Variants in MYO5B observed in about 807,000 individuals in gnomAD.
The protein encoded by MYO5B is myosin VB, also known as unconventional myosin-Vb.
MYO5B carries 143 observed loss-of-function variants against 229.3 expected under a neutral mutation model. The ratio of observed to expected loss-of-function variants is 0.62; its 90% CI spans 0.54 to 0.72. The LOEUF is 0.72. Among genes scored for constraint, MYO5B ranks in the 30% least tolerant of loss-of-function variants. MYO5B has a pLI of 0.00. For synonymous variants in MYO5B, 918 were observed against 885.2 expected (o/e 1.04, Z -0.66); for missense variants, 2,321 against 2,331.0 (o/e 1.00, Z 0.09).
intron 4 of MYO5B, among the ~76,000 whole-genome samples, chr18:50,033,253 C>G (rs1030079198): frequency 6.6e-6 from 1 of 152,052 alleles, no homozygotes; most frequent in Admixed American, 6.5e-5. Flanking sequence ...TTTGACGCCC[C>G]ACTTCTGAGG....
At chr18:50,180,725 T>C (rs1331056830) in intron 1 of MYO5B, among the ~76,000 whole-genome samples, 1 of 152,254 alleles carries the variant, frequency 6.6e-6, no homozygotes, top group African/African-American at 2.4e-5. Context: ...TCTGTCTCTA[T>C]GAATTTGACC....
chr18:50,128,098 C>T (rs1347272773), intron 1 of MYO5B, among the ~76,000 whole-genome samples: 1 of 152,138 alleles, frequency 6.6e-6, no homozygotes, highest in Non-Finnish European at 1.5e-5. Flanking sequence ...GATCTTAGGA[C>T]CTGTTGGCCT....
intron 10 of MYO5B, among the ~76,000 whole-genome samples, chr18:49,969,234 C>T (rs1427088021): frequency 2.0e-5 from 3 of 152,118 alleles, no homozygotes; most frequent in Admixed American, 6.5e-5. Context: ...TGAAACCTTT[C>T]GATACTGGCT....
chr18:49,975,491 T>C (rs569174730), intron 9 of MYO5B, among the ~76,000 whole-genome samples: 65 of 152,202 alleles, frequency 4.3e-4, no homozygotes, highest in Non-Finnish European at 1.2e-4. Flanking sequence ...GCAGGCTCGC[T>C]TTCTTCTTAG....
At position 49,853,461 on chromosome 18, in the gene MYO5B, G is replaced by C; in HGVS notation, c.4209C>G (p.Thr1403=). 1 of 1,614,112 alleles carries C rather than the reference G, an allele frequency of 6.2e-7. No homozygotes were observed. Among genetic ancestry groups the C allele is most frequent in the Admixed American group, 1.7e-5 (1 of 60,030 alleles). ...CATGGCTACCCACCAGATTCTCGTT[G>C]GTCAGCCGGGATATTTCCTGCTGAA... ...FGVQQEISRL[T]NENLDLKELV... is the part of the protein sequence containing the mutation. The change falls in exon 31 of 40, where the codon ACC becomes ACG. Residue 1403 remains threonine, a synonymous_variant. Transcript: ENST00000285039.
intron 33 of MYO5B, among the ~76,000 whole-genome samples, chr18:49,843,819 A>G (rs577286858): frequency 6.6e-6 from 1 of 152,378 alleles, no homozygotes; most frequent in South Asian, 2.1e-4. Flanking sequence ...CACCACTTCC[A>G]GAAGGCAAGG....
At chr18:49,952,059 C>A (rs1304813153) in intron 14 of MYO5B, among the ~76,000 whole-genome samples, 1 of 152,206 alleles carries the variant, frequency 6.6e-6, no homozygotes, top group East Asian at 1.9e-4. Context: ...ATCCAGAGAT[C>A]ACACTGGGCA....
intron 39 of MYO5B, among the ~76,000 whole-genome samples, chr18:49,828,910 T>C (rs1414160961): frequency 6.8e-6 from 1 of 146,716 alleles, no homozygotes; most frequent in Admixed American, 7.3e-5. Context: ...AATGTCTACA[T>C]TAAAAAAAAA....
At chr18:49,872,531 C>T (rs201543056) in intron 26 of MYO5B, among the ~76,000 whole-genome samples, 5 of 150,646 alleles carry the variant, frequency 3.3e-5, no homozygotes, top group Non-Finnish European at 4.4e-5. Flanking sequence ...TTTGCCCCCC[C>T]AAATGATATT....
At position 49,839,147 on chromosome 18, in the gene MYO5B, T is replaced by C; in HGVS notation, c.4849A>G (p.Ile1617Val). 1 of 1,613,324 alleles carries C rather than the reference T, an allele frequency of 6.2e-7. No individual in the cohort carries two copies. The highest frequency in any genetic ancestry group is 1.1e-5 in the South Asian group (1 of 91,040). ...KIAEGVLQPM[I>V]VSAMLENESI... ...AGCTCTCCTGCTGCCAGCTTACCTA[T>C]CATCGGCTGTAACACGCCCTCGGCA... The change falls in exon 36 of 40, where the codon ATA becomes GTA. Residue 1617 changes from isoleucine to valine, a missense_variant. By Grantham distance (29) the Ile-to-Val change is conservative. Coordinates refer to ENST00000285039, the MANE Select transcript of MYO5B (RefSeq NM_001080467.3).
At chr18:49,897,992 A>G (rs1568022649) in intron 21 of MYO5B, among the ~76,000 whole-genome samples, 1 of 152,138 alleles carries the variant, frequency 6.6e-6, no homozygotes, top group Non-Finnish European at 1.5e-5. Flanking sequence ...CTCTATGTTT[A>G]GATACGTTTA....
At chr18:50,019,347 C>T (rs369298909) in intron 4 of MYO5B, among the ~76,000 whole-genome samples, 1 of 152,174 alleles carries the variant, frequency 6.6e-6, no homozygotes, top group Non-Finnish European at 1.5e-5. Flanking sequence ...GCCCCTGCTA[C>T]CCTCCCCACT....
At chr18:50,182,273 G>A (rs2033083636) in intron 1 of MYO5B, among the ~76,000 whole-genome samples, 1 of 152,212 alleles carries the variant, frequency 6.6e-6, no homozygotes, top group African/African-American at 2.4e-5. Context: ...GAAAGCCACT[G>A]GCTTTGCTAC....
At chr18:49,982,277 A>G (rs940958330) in intron 8 of MYO5B, among the ~76,000 whole-genome samples, 6 of 152,076 alleles carry the variant, frequency 3.9e-5, no homozygotes, top group Admixed American at 3.3e-4. Flanking sequence ...CGTGTTGCCC[A>G]GAACTCCTGG....
At position 49,843,381 on chromosome 18, in the gene MYO5B, G is replaced by C. The variant is rs1220627137; in HGVS notation, c.4471C>G (p.Gln1491Glu). 5 of 1,614,074 alleles carry C rather than the reference G, an allele frequency of 3.1e-6. No individual in the cohort carries two copies. The highest frequency in any genetic ancestry group is 1.3e-5 in the African/African-American group (1 of 74,940). The change falls in exon 34 of 40, where the codon CAG becomes GAG. Residue 1491 changes from glutamine to glutamate, a missense_variant. Transcript: ENST00000285039. The part of the protein sequence containing the change: ...IRNLVTDLKP[Q>E]MLSGTVPCLP... ...CAGGGCACTGTGCCCGACAGCATCT[G>C]GGGCTTCAAGTCTAAGGGCAACGAG...
At chr18:50,171,420 C>A (rs1372119780) in intron 1 of MYO5B, among the ~76,000 whole-genome samples, 1 of 126,504 alleles carries the variant, frequency 7.9e-6, no homozygotes, top group African/African-American at 3.0e-5. Context: ...ACCTTGGTCT[C>A]GAGAGAGACC....
chr18:49,864,162 C>CCGCTGGTCGG lies in MYO5B; in HGVS notation c.3812_3821dup (p.Leu1276ProfsTer14). On this transcript the variant is annotated frameshift_variant, in exon 28 of 40. Transcript: ENST00000285039. LOFTEE classifies it high-confidence loss of function. Reference sequence around the variant, plus strand: ...TTACCGCGTTCCTGCCGGCGAGTCGCCGCTGGTCGGCGCTCACGATCTGGG... The same window carrying CCGCTGGTCGG: ...TTACCGCGTTCCTGCCGGCGAGTCGCCGCTGGTCGGCGCTGGTCGGCGCTCACGATCTGGG... 6.2e-7 allele frequency: 1 copy of CCGCTGGTCGG among 1,610,748 alleles called. No individual in the cohort carries two copies. Among genetic ancestry groups the CCGCTGGTCGG allele is most frequent in the Non-Finnish European group, 8.5e-7 (1 of 1,179,956 alleles).
intron 6 of MYO5B, among the ~76,000 whole-genome samples, chr18:49,991,580 A>G (rs2025932990): frequency 6.6e-6 from 1 of 152,228 alleles, no homozygotes; most frequent in Admixed American, 6.5e-5. Flanking sequence ...AGAACAGTGA[A>G]GAATCAAGTC....
At chr18:50,133,514 G>T (rs2032286632) in intron 1 of MYO5B, among the ~76,000 whole-genome samples, 1 of 152,190 alleles carries the variant, frequency 6.6e-6, no homozygotes, top group Non-Finnish European at 1.5e-5. Context: ...TGCTGAAGCT[G>T]CCCAGTGAAG....
Sources: allele counts gnomAD v4.1 joint callset (sites outside exome capture counted in the v4.1 genomes callset), GRCh38; gene constraint gnomAD v4.1.1; transcripts MANE v1.5; gene names NCBI Gene and HGNC (gene_info 2026-07-23, HGNC 2026-07-21).